Variants in ADAMTS17 observed in about 807,000 individuals in gnomAD.
ADAMTS17 encodes the protein A disintegrin and metalloproteinase with thrombospondin motifs 17.
A neutral mutation model predicts 141.5 loss-of-function variants in ADAMTS17; 113 were observed. The ratio of observed to expected loss-of-function variants is 0.80; its 90% confidence interval spans 0.69 to 0.93. ADAMTS17 has a LOEUF of 0.93. Ranked by LOEUF, ADAMTS17 falls within the 40% of genes least tolerant of loss-of-function variation. The pLI, the probability that ADAMTS17 is intolerant of heterozygous loss-of-function variation, is 0.00. For synonymous variants in ADAMTS17, 768 were observed against 630.6 expected (o/e 1.22, Z -3.27); for missense variants, 1,659 against 1,517.9 (o/e 1.09, Z -1.54).
intron 8 of ADAMTS17, among the ~76,000 whole-genome samples, chr15:100,197,083 G>A (rs2041148003): frequency 6.6e-6 from 1 of 152,192 alleles, no homozygotes; most frequent in South Asian, 2.1e-4. Flanking sequence ...ATTCATCTTT[G>A]CAGACCTCCG....
intron 7 of ADAMTS17, among the ~76,000 whole-genome samples, chr15:100,232,603 G>A (rs1240355369): frequency 6.6e-6 from 1 of 152,196 alleles, no homozygotes; most frequent in African/African-American, 2.4e-5. Flanking sequence ...TCTCACGCTG[G>A]GCAGCCACAA....
intron 13 of ADAMTS17, among the ~76,000 whole-genome samples, chr15:100,116,064 C>G (rs369048494): frequency 6.8e-6 from 1 of 146,728 alleles, no homozygotes; most frequent in Non-Finnish European, 1.5e-5. Flanking sequence ...CATGACATAC[C>G]GATAAACGGG....
chr15:100,317,992 T>C (rs2045617807), intron 3 of ADAMTS17, among the ~76,000 whole-genome samples: 1 of 152,056 alleles, frequency 6.6e-6, no homozygotes, highest in African/African-American at 2.4e-5. Flanking sequence ...GCGACCCGAA[T>C]GCCAGAGGGA....
At chr15:100,054,715 C>T (rs996822979) in intron 15 of ADAMTS17, among the ~76,000 whole-genome samples, 1 of 152,180 alleles carries the variant, frequency 6.6e-6, no homozygotes, top group African/African-American at 2.4e-5. Flanking sequence ...CTGAGCGTAG[C>T]AGGGGAGAGG....
chr15:99,992,943 C>T, intron 20 of ADAMTS17, 105 bp downstream of exon 20: 1 of 1,451,288 alleles, frequency 6.9e-7, no homozygotes, highest in South Asian at 1.2e-5. Context: ...CCTAGTTACG[C>T]TGGGACTGCC....
intron 3 of ADAMTS17, among the ~76,000 whole-genome samples, chr15:100,318,940 G>A (rs1464685627): frequency 6.6e-6 from 1 of 152,240 alleles, no homozygotes; most frequent in Non-Finnish European, 1.5e-5. Flanking sequence ...ATACCAGCGG[G>A]ACATGGGCAG....
intron 3 of ADAMTS17, among the ~76,000 whole-genome samples, chr15:100,325,582 A>G (rs1347208463): frequency 1.3e-5 from 2 of 152,174 alleles, no homozygotes; most frequent in African/African-American, 4.8e-5. Flanking sequence ...GCTTAGTGCC[A>G]TCCCCGTGGT....
intron 10 of ADAMTS17, among the ~76,000 whole-genome samples, chr15:100,146,365 C>G (rs1372769703): frequency 6.6e-6 from 1 of 152,184 alleles, no homozygotes; most frequent in Non-Finnish European, 1.5e-5. Context: ...TTTCTTATGC[C>G]TGTCTTTACT....
At chr15:100,252,011 C>A (rs980468911) in intron 7 of ADAMTS17, among the ~76,000 whole-genome samples, 1 of 152,150 alleles carries the variant, frequency 6.6e-6, no homozygotes, top group African/African-American at 2.4e-5. Flanking sequence ...GTTTGTGTGG[C>A]ATTTTGTTAT....
intron 20 of ADAMTS17, 114 bp from the exon 21 acceptor site, chr15:99,976,336 G>A (rs1234490339): frequency 7.4e-7 from 1 of 1,345,728 alleles, no homozygotes; most frequent in Non-Finnish European, 1.0e-6. Context: ...CCTACACGAG[G>A]TCAGGGGGCT....
At chr15:100,049,326 T>C (rs970428515) in intron 17 of ADAMTS17, among the ~76,000 whole-genome samples, 1 of 152,182 alleles carries the variant, frequency 6.6e-6, no homozygotes, top group South Asian at 2.1e-4. Flanking sequence ...TATCTGCTTG[T>C]TTGATGTTTA....
chr15:100,125,416 C>T (rs1435792379), intron 12 of ADAMTS17, among the ~76,000 whole-genome samples: 1 of 152,220 alleles, frequency 6.6e-6, no homozygotes, highest in Non-Finnish European at 1.5e-5. Context: ...CATAACCTTA[C>T]ACCAGCCGTC....
intron 7 of ADAMTS17, among the ~76,000 whole-genome samples, chr15:100,225,093 A>T (rs1365155150): frequency 6.6e-6 from 1 of 152,250 alleles, no homozygotes; most frequent in Non-Finnish European, 1.5e-5. Context: ...TTGTAGGCTG[A>T]ATTCCACAAG....
At chr15:100,204,782 C>A (rs995275933) in intron 7 of ADAMTS17, among the ~76,000 whole-genome samples, 5 of 152,164 alleles carry the variant, frequency 3.3e-5, no homozygotes, top group African/African-American at 1.2e-4. Context: ...ATCCTAACCT[C>A]TTACAACAGA....
intron 8 of ADAMTS17, among the ~76,000 whole-genome samples, chr15:100,193,689 G>A (rs181801002): frequency 1.1e-4 from 16 of 152,302 alleles, no homozygotes; most frequent in African/African-American, 3.6e-4. Context: ...CCTGCTGCGC[G>A]TCACTGCCAG....
intron 18 of ADAMTS17, among the ~76,000 whole-genome samples, chr15:100,032,041 T>C (rs73482755): frequency 0.011 from 1,632 of 152,238 alleles, 34 homozygotes; most frequent in African/African-American, 0.037. Flanking sequence ...GGTAGATGCA[T>C]TACTTACCCA....
chr15:100,143,266 G>A (rs1049194485), intron 10 of ADAMTS17, among the ~76,000 whole-genome samples: 3 of 152,338 alleles, frequency 2.0e-5, no homozygotes, highest in Non-Finnish European at 4.4e-5. Context: ...CTTCCTTGCA[G>A]CTGACAGCGC....
At chr15:100,137,895 C>A (rs1361880771) in intron 10 of ADAMTS17, among the ~76,000 whole-genome samples, 1 of 152,112 alleles carries the variant, frequency 6.6e-6, no homozygotes, top group Non-Finnish European at 1.5e-5. Flanking sequence ...CTGCCAACAC[C>A]CACCCTTTCA....
At chr15:100,152,895 A>T in intron 9 of ADAMTS17, 133 bp from the exon 10 acceptor site, 2 of 837,950 alleles carry the variant, frequency 2.4e-6, no homozygotes. Flanking sequence ...AAAAGGACGC[A>T]GGCACTGGAC....
Sources: allele counts gnomAD v4.1 joint callset (sites outside exome capture counted in the v4.1 genomes callset), GRCh38; gene constraint gnomAD v4.1.1; transcripts MANE v1.5; gene names NCBI Gene and HGNC (gene_info 2026-07-23, HGNC 2026-07-21).